Variants in SPATS2L observed in about 807,000 individuals in gnomAD.
SPATS2L encodes the protein SPATS2-like protein.
SPATS2L carries 30 observed loss-of-function variants against 59.6 expected under a neutral mutation model. That is an observed-to-expected ratio of 0.50 (90% confidence interval 0.38 to 0.68). SPATS2L has a LOEUF of 0.68. Ranked by LOEUF, SPATS2L falls within the 30% of genes least tolerant of loss-of-function variation. The probability of loss-of-function intolerance (pLI) is 0.00; values close to 1 mark genes in which losing one functional copy is unlikely to be tolerated. For synonymous variants in SPATS2L, 252 were observed against 263.5 expected, an observed-to-expected ratio of 0.96 and a Z score of 0.42; for missense variants, 615 against 700.0, an observed-to-expected ratio of 0.88 and a Z score of 1.37.
At chr2:200,346,015 C>T (rs1171482116) in intron 2 of SPATS2L, among the ~76,000 whole-genome samples, 1 of 152,178 alleles carries the variant, frequency 6.6e-6, no homozygotes, top group Non-Finnish European at 1.5e-5. Context: ...GTCCAGGAGA[C>T]CTCTGTCTGT....
intron 6 of SPATS2L, among the ~76,000 whole-genome samples, chr2:200,435,810 G>T (rs572417497): frequency 3.3e-5 from 5 of 152,144 alleles, no homozygotes; most frequent in Non-Finnish European, 5.9e-5. Context: ...TTAACACATA[G>T]TATGTATATA....
chr2:200,439,328 G>A lies in SPATS2L; in HGVS notation c.652G>A (p.Gly218Ser). ...GCCAGATGAGTTGGCAAAGAAAAGA[G>A]GTAAAGTGATTTCTTTTGCACAAAT... is the stretch of plus-strand genomic sequence containing the variant. ...IKPDELAKKR[G>S]PNIEKSVKDL... The change falls in exon 7 of 13, where the codon GGC (glycine) becomes AGC (serine). Residue 218 changes from glycine (G) to serine (S), a missense_variant and splice_region_variant. By Grantham distance (56) the Gly-to-Ser change is moderately conservative. Coordinates refer to ENST00000409140, the MANE Select transcript of SPATS2L (RefSeq NM_001100423.2). 1.9e-6 allele frequency: 3 copies of A among 1,609,318 alleles called. No homozygotes were observed. Among genetic ancestry groups the A allele is most frequent in the Non-Finnish European group, 2.6e-6 (3 of 1,175,980 alleles).
chr2:200,412,480 A>C, intron 4 of SPATS2L, 61 bp downstream of exon 4: 1 of 932,216 alleles, frequency 1.1e-6, no homozygotes. Context: ...GATATTCCAT[A>C]TTTTTTCCTT....
At chr2:200,350,612 C>T (rs1158445035) in intron 2 of SPATS2L, among the ~76,000 whole-genome samples, 5 of 152,138 alleles carry the variant, frequency 3.3e-5, no homozygotes, top group African/African-American at 9.7e-5. Flanking sequence ...CAGCCTCTGC[C>T]TCCTAGGTTC....
At chr2:200,308,166 G>A (rs1183527131) in intron 1 of SPATS2L, among the ~76,000 whole-genome samples, 1 of 150,600 alleles carries the variant, frequency 6.6e-6, no homozygotes, top group Non-Finnish European at 1.5e-5. Flanking sequence ...GACTGGTACT[G>A]TTTTCCAGAG....
At chr2:200,397,914 G>T (rs1009216322) in intron 3 of SPATS2L, among the ~76,000 whole-genome samples, 1 of 152,188 alleles carries the variant, frequency 6.6e-6, no homozygotes, top group African/African-American at 2.4e-5. Flanking sequence ...AAGAGATGGG[G>T]AAGAGGGTAG....
chr2:200,446,568 C>G (rs1475265880), intron 8 of SPATS2L, among the ~76,000 whole-genome samples: 1 of 152,118 alleles, frequency 6.6e-6, no homozygotes, highest in Non-Finnish European at 1.5e-5. Context: ...GTCTCTCCCA[C>G]CTCTCCTGTA....
chr2:200,454,230 T>G (rs566025976), intron 8 of SPATS2L, among the ~76,000 whole-genome samples: 77 of 152,322 alleles, frequency 5.1e-4, no homozygotes, highest in African/African-American at 1.8e-3. Context: ...TCACCTCCCC[T>G]TTGAAATTCT....
At chr2:200,366,328 A>G (rs2081267331) in intron 2 of SPATS2L, among the ~76,000 whole-genome samples, 1 of 152,208 alleles carries the variant, frequency 6.6e-6, no homozygotes, top group Non-Finnish European at 1.5e-5. Context: ...GGGTTTACTT[A>G]TCATAGAATA....
chr2:200,440,586 GT>G lies in SPATS2L; in HGVS notation c.653-60del. On this transcript the variant is annotated intron_variant, in intron 7 of 12. Coordinates refer to ENST00000409140, the MANE Select transcript of SPATS2L (RefSeq NM_001100423.2). ...GGTGGGCTAATTGCTTTGTTTTGTT[GT>G]TTAGCTTACAAACAAAGGATTAAAT... is the stretch of plus-strand genomic sequence containing the variant. The G allele has an allele frequency of 2.0e-6, 3 of 1,523,230 alleles. No individual in the cohort carries two copies. In the South Asian group the frequency reaches 3.6e-5, roughly 18 times the overall value. 94.4% of individuals were successfully genotyped at this position (1,523,230 alleles called of 1,614,324 possible). A position where few individuals can be genotyped will look rare whatever the true frequency, so the allele number is the denominator to read the frequency against.
intron 2 of SPATS2L, among the ~76,000 whole-genome samples, chr2:200,377,814 C>T (rs2081651262): frequency 6.6e-6 from 1 of 152,062 alleles, no homozygotes; most frequent in African/African-American, 2.4e-5. Flanking sequence ...GAACCAGGAA[C>T]TGGTTTCAGG....
intron 6 of SPATS2L, among the ~76,000 whole-genome samples, chr2:200,423,829 T>C (rs1288061380): frequency 6.6e-6 from 1 of 152,236 alleles, no homozygotes; most frequent in Admixed American, 6.5e-5. Context: ...GTGTTTTATC[T>C]TTTTATAACA....
At chr2:200,422,874 T>G (rs1426617397) in intron 6 of SPATS2L, among the ~76,000 whole-genome samples, 1 of 152,158 alleles carries the variant, frequency 6.6e-6, no homozygotes, top group Non-Finnish European at 1.5e-5. Context: ...TATACTGGCC[T>G]CTTTCTTGCT....
intron 3 of SPATS2L, among the ~76,000 whole-genome samples, chr2:200,393,446 G>A (rs1574374445): frequency 6.6e-6 from 1 of 152,202 alleles, no homozygotes; most frequent in South Asian, 2.1e-4. Flanking sequence ...AGTGTCAGAT[G>A]TCTACCTGAC....
intron 3 of SPATS2L, among the ~76,000 whole-genome samples, chr2:200,408,779 G>A (rs745367796): frequency 1.3e-5 from 2 of 152,370 alleles, no homozygotes; most frequent in Non-Finnish European, 2.9e-5. Flanking sequence ...GGCCTGAGGC[G>A]CCATGGGGCA....
chr2:200,389,143 T>A, intron 2 of SPATS2L, 80 bp from the exon 3 acceptor site: 2 of 836,222 alleles, frequency 2.4e-6, no homozygotes, highest in Non-Finnish European at 3.8e-6. Flanking sequence ...ATGAAGTTGT[T>A]TACTGTGTTG....
At chr2:200,468,346 C>CCACACACACACACACACA (rs1240626290) in intron 10 of SPATS2L, among the ~76,000 whole-genome samples, 1 of 6,916 alleles carries the variant, frequency 1.4e-4, no homozygotes, top group Non-Finnish European at 7.0e-4. Context: ...ACCCAGTATA[C>CCACACACACACACACACA]TACACACACA....
intron 2 of SPATS2L, among the ~76,000 whole-genome samples, chr2:200,387,911 G>A (rs1440790004): frequency 6.6e-6 from 1 of 152,152 alleles, no homozygotes; most frequent in Non-Finnish European, 1.5e-5. Flanking sequence ...AATGGTGAAA[G>A]ATTTTGACCA....
At chr2:200,345,339 A>C (rs1326949532) in intron 2 of SPATS2L, among the ~76,000 whole-genome samples, 3 of 152,122 alleles carry the variant, frequency 2.0e-5, no homozygotes, top group Non-Finnish European at 2.9e-5. Flanking sequence ...GAAAAGGAAA[A>C]TATTTAGATC....
Sources: gnomAD v4.1 joint callset for allele counts (sites outside exome capture counted in the v4.1 genomes callset) on GRCh38, gnomAD v4.1.1 for gene constraint, MANE v1.5 for transcripts, NCBI Gene and HGNC (gene_info 2026-07-23, HGNC 2026-07-21) for gene names.